CSMD1: variants seen among roughly 807,000 people sequenced by gnomAD.
The protein encoded by CSMD1 is CUB and Sushi multiple domains 1, also known as CUB and sushi domain-containing protein 1.
In CSMD1, 213 loss-of-function variants were observed where a neutral mutation model predicts 417.5. The observed-to-expected ratio is 0.51, with a 90% CI of 0.46 to 0.57. The LOEUF is 0.57. Among genes scored for constraint, CSMD1 ranks in the 20% least tolerant of loss-of-function variants. The pLI is 0.00. For synonymous variants in CSMD1, 2,862 were observed against 1,736.8 expected, an observed-to-expected ratio of 1.65 and a Z score of -16.11; for missense variants, 6,923 against 4,529.7, an observed-to-expected ratio of 1.53 and a Z score of -15.17.
At chr8:4,374,146 C>T (rs180885270) in intron 3 of CSMD1, among the ~76,000 whole-genome samples, 233 of 149,950 alleles carry the variant, frequency 1.6e-3, no homozygotes, top group Non-Finnish European at 5.1e-4. Flanking sequence ...TGGATAAGTA[C>T]GTCCTTACCC....
chr8:4,908,674 T>C (rs901709467), intron 1 of CSMD1, among the ~76,000 whole-genome samples: 4 of 152,196 alleles, frequency 2.6e-5, no homozygotes, highest in Non-Finnish European at 5.9e-5. Flanking sequence ...TTCTAGGCTG[T>C]ATTCAGTCTA....
chr8:3,672,111 A>C (rs2117541380), intron 7 of CSMD1, among the ~76,000 whole-genome samples: 1 of 152,302 alleles, frequency 6.6e-6, no homozygotes, highest in East Asian at 1.9e-4. Context: ...GCAGCGTTCA[A>C]GGTTAGGTGC....
intron 10 of CSMD1, among the ~76,000 whole-genome samples, chr8:3,536,364 T>C (rs1185333797): frequency 1.3e-5 from 2 of 152,206 alleles, no homozygotes; most frequent in Admixed American, 1.3e-4. Context: ...AGTGAGGGTG[T>C]CAGAATTCCA....
intron 3 of CSMD1, among the ~76,000 whole-genome samples, chr8:4,312,702 C>A (rs1798698604): frequency 6.6e-6 from 1 of 151,924 alleles, no homozygotes; most frequent in Non-Finnish European, 1.5e-5. Flanking sequence ...CCTGACGAAA[C>A]CCCATTTCTA....
rs563314120 is a variant in CSMD1, at chr8:4,181,606, G to A, written c.416-149507C>T. Among the ~76,000 whole-genome samples the A allele has an allele frequency of 3.3e-5, 5 of 152,142 alleles. No individual in the cohort carries two copies. In the East Asian group the frequency reaches 5.8e-4, roughly 18 times the overall value. ...ACAGGATGGAAAAGCTTGCTATAAG[G>A]CTTAAAATTCATTTATATTTACATT... On this transcript the variant is annotated intron_variant, in intron 3 of 69. Transcript: ENST00000635120.
chr8:3,636,051 C>T (rs529130783), intron 7 of CSMD1, among the ~76,000 whole-genome samples: 27 of 150,062 alleles, frequency 1.8e-4, no homozygotes, highest in Non-Finnish European at 2.8e-4. Flanking sequence ...AATATCCTTA[C>T]TCTATAAGCT....
intron 1 of CSMD1, among the ~76,000 whole-genome samples, chr8:4,694,937 T>G (rs1022000499): frequency 1.3e-5 from 2 of 152,216 alleles, no homozygotes; most frequent in Non-Finnish European, 2.9e-5. Context: ...TAAAGCACTA[T>G]GAACATACAG....
chr8:3,437,982 C>G (rs1054124798), intron 12 of CSMD1, among the ~76,000 whole-genome samples: 1 of 151,974 alleles, frequency 6.6e-6, no homozygotes. Flanking sequence ...CTCAGATGAT[C>G]CGCTCACCTC....
intron 4 of CSMD1, among the ~76,000 whole-genome samples, chr8:4,015,792 A>C (rs1049231542): frequency 6.6e-6 from 1 of 152,204 alleles, no homozygotes; most frequent in Non-Finnish European, 1.5e-5. Flanking sequence ...TGTTCAGACA[A>C]AAACAAGGGT....
At chr8:4,344,983 C>G (rs1215201194) in intron 3 of CSMD1, among the ~76,000 whole-genome samples, 1 of 150,584 alleles carries the variant, frequency 6.6e-6, no homozygotes, top group Non-Finnish European at 1.5e-5. Flanking sequence ...CTGAAGAAAA[C>G]AAATGGCTAG....
At chr8:4,375,678 A>G (rs1384099203) in intron 3 of CSMD1, among the ~76,000 whole-genome samples, 3 of 152,122 alleles carry the variant, frequency 2.0e-5, no homozygotes, top group Non-Finnish European at 4.4e-5. Flanking sequence ...GAATGCCCAC[A>G]GAGTGAGAGG....
At chr8:4,731,941 C>T (rs1032772742) in intron 1 of CSMD1, among the ~76,000 whole-genome samples, 3 of 152,040 alleles carry the variant, frequency 2.0e-5, no homozygotes, top group Non-Finnish European at 4.4e-5. Flanking sequence ...ATAGTGAGAA[C>T]GATCACAACA....
At chr8:4,921,232 A>G (rs1012677565) in intron 1 of CSMD1, among the ~76,000 whole-genome samples, 1 of 152,086 alleles carries the variant, frequency 6.6e-6, no homozygotes, top group South Asian at 2.1e-4. Flanking sequence ...CCATTCAGAA[A>G]CCTCTTCCAC....
At position 3,613,472 on chromosome 8, in the gene CSMD1, A is replaced by G. The variant is rs116131581; in HGVS notation, c.1097+3238T>C. 4.4e-3 allele frequency among the ~76,000 whole-genome samples: 665 copies of G among 152,222 alleles called. 4 individuals are homozygous for G. Among genetic ancestry groups the G allele is most frequent in the African/African-American group, 0.015 (641 of 41,562 alleles). Reference sequence around the variant, plus strand: ...TTATAAGAAAAGTCTACAGCCTATCATAACTCATAAAAATACCTGTAAAAA... The same window carrying G: ...TTATAAGAAAAGTCTACAGCCTATCGTAACTCATAAAAATACCTGTAAAAA... On this transcript the variant is annotated intron_variant, in intron 8 of 69. Transcript: ENST00000635120.
intron 2 of CSMD1, among the ~76,000 whole-genome samples, chr8:4,451,838 C>T (rs974272109): frequency 8.6e-5 from 13 of 151,902 alleles, no homozygotes; most frequent in East Asian, 1.9e-4. Context: ...GTTTTGTTTA[C>T]GTAATTCACT....
At chr8:4,403,170 G>T (rs994137880) in intron 3 of CSMD1, among the ~76,000 whole-genome samples, 1 of 152,016 alleles carries the variant, frequency 6.6e-6, no homozygotes, top group Non-Finnish European at 1.5e-5. Context: ...TTTTACATAA[G>T]ACATTAGTCT....
chr8:3,427,137 T>C (rs144548397), intron 12 of CSMD1, among the ~76,000 whole-genome samples: 64 of 152,258 alleles, frequency 4.2e-4, no homozygotes, highest in African/African-American at 1.4e-3. Flanking sequence ...CACAAGAAGA[T>C]TATGGGGATC....
intron 10 of CSMD1, among the ~76,000 whole-genome samples, chr8:3,570,308 G>C (rs2116915972): frequency 6.6e-6 from 1 of 152,288 alleles, no homozygotes; most frequent in South Asian, 2.1e-4. Context: ...GATATCACTG[G>C]TCACCATACA....
chr8:3,328,470 T>C (rs1227646237), intron 23 of CSMD1, among the ~76,000 whole-genome samples: 1 of 152,234 alleles, frequency 6.6e-6, no homozygotes, highest in Non-Finnish European at 1.5e-5. Context: ...AAATTTTGTC[T>C]GTTGCTACAC....
Sources: allele counts gnomAD v4.1 joint callset (sites outside exome capture counted in the v4.1 genomes callset), GRCh38; gene constraint gnomAD v4.1.1; transcripts MANE v1.5; gene names NCBI Gene and HGNC (gene_info 2026-07-23, HGNC 2026-07-21).